Variants in LZIC observed in about 807,000 individuals in gnomAD.
The protein encoded by LZIC is leucine zipper and CTNNBIP1 domain containing.
In LZIC, 28 loss-of-function variants were observed where a neutral mutation model predicts 25.4. The observed-to-expected ratio is 1.10, with a 90% CI of 0.82 to 1.51. LZIC has a LOEUF of 1.51. LZIC is among the 40% of genes most tolerant of loss of function. LZIC has a pLI of 0.00. For synonymous variants in LZIC, 65 were observed against 70.7 expected (o/e 0.92, Z 0.40); for missense variants, 170 against 211.1 (o/e 0.81, Z 1.21).
Position 9,935,575 on chromosome 1 carries a change from G to A in LZIC, c.154C>T (p.Gln52Ter). Residue 52 changes from glutamine to a stop codon, truncating the protein, a stop_gained, in exon 4 of 8, where the codon CAA becomes TAA. Coordinates refer to ENST00000377223, the MANE Select transcript of LZIC (RefSeq NM_032368.5). LOFTEE classifies it high-confidence loss of function. Reference sequence around the variant, plus strand: ...AGTGAATCATTAAATTCACTTAGTTGCTCCAGAGTTTCCTTTTTGGTTTCT... The same window carrying A: ...AGTGAATCATTAAATTCACTTAGTTACTCCAGAGTTTCCTTTTTGGTTTCT... ...YEETKKETLE[Q>*]LSEFNDSLKK... is the part of the protein sequence containing the mutation. The A allele has an allele frequency of 6.2e-7, 1 of 1,611,448 alleles. No individual in the cohort carries two copies. The highest frequency in any genetic ancestry group is 8.5e-7 in the Non-Finnish European group (1 of 1,179,034).
At chr1:9,941,387 G>A (rs888753600) in intron 2 of LZIC, among the ~76,000 whole-genome samples, 2 of 151,586 alleles carry the variant, frequency 1.3e-5, no homozygotes, top group African/African-American at 4.9e-5. Flanking sequence ...TAGAGATGAG[G>A]TTTCACCATG....
chr1:9,931,270 A>G (rs1557435736), intron 7 of LZIC, among the ~76,000 whole-genome samples: 2 of 151,400 alleles, frequency 1.3e-5, no homozygotes, highest in African/African-American at 2.4e-5. Flanking sequence ...TTATTCATTT[A>G]TTTATTTATT....
intron 4 of LZIC, among the ~76,000 whole-genome samples, 187 bp downstream of exon 4, chr1:9,935,305 G>A (rs1270047957): frequency 1.3e-5 from 2 of 152,134 alleles, no homozygotes; most frequent in Non-Finnish European, 2.9e-5. Flanking sequence ...GCACATGCCT[G>A]TAATCCCAGC....
chr1:9,925,308 C>T (rs183051472), downstream of LZIC, among the ~76,000 whole-genome samples: 12 of 152,206 alleles, frequency 7.9e-5, no homozygotes, highest in South Asian at 2.1e-4. Flanking sequence ...AACGAAACTC[C>T]GTCTCAAAAA....
intron 2 of LZIC, among the ~76,000 whole-genome samples, chr1:9,937,753 T>A (rs1029419699): frequency 1.4e-5 from 2 of 143,840 alleles, no homozygotes; most frequent in Admixed American, 1.5e-4. Flanking sequence ...GAGGCTTAGG[T>A]GAGAGGACTG....
downstream of LZIC, chr1:9,922,282 G>A (rs905350633): frequency 1.0e-5 from 10 of 985,164 alleles, no homozygotes; most frequent in Admixed American, 5.5e-4. Flanking sequence ...TTAACAGGAA[G>A]CTAATCTTGC....
chr1:9,925,348 C>G (rs568999149), downstream of LZIC, among the ~76,000 whole-genome samples: 17 of 152,128 alleles, frequency 1.1e-4, no homozygotes, highest in African/African-American at 4.1e-4. Flanking sequence ...AAAACCCTTA[C>G]CAGCATTATC....
chr1:9,922,194 C>T (rs1639883247), downstream of LZIC: 4 of 645,632 alleles, frequency 6.2e-6, no homozygotes, highest in South Asian at 2.8e-4. Context: ...ACATCATATT[C>T]TTGTGCTGGG....
chr1:9,938,874 C>T (rs1640569507), intron 2 of LZIC, among the ~76,000 whole-genome samples: 2 of 152,140 alleles, frequency 1.3e-5, no homozygotes, highest in South Asian at 4.1e-4. Context: ...CAGACAAAAG[C>T]CACCTGCAAC....
chr1:9,936,798 G>A (rs1480968491), intron 2 of LZIC, among the ~76,000 whole-genome samples, 171 bp from the exon 3 acceptor site: 1 of 152,218 alleles, frequency 6.6e-6, no homozygotes, highest in Non-Finnish European at 1.5e-5. Flanking sequence ...TGGGATTATA[G>A]GCATAAGCCA....
chr1:9,924,447 C>T (rs551987026), downstream of LZIC, among the ~76,000 whole-genome samples: 9 of 151,994 alleles, frequency 5.9e-5, no homozygotes, highest in South Asian at 1.7e-3. Flanking sequence ...CTCCGCCTCC[C>T]GGGTTCAAGC....
chr1:9,939,538 C>T (rs1438831139), intron 2 of LZIC, among the ~76,000 whole-genome samples: 3 of 113,180 alleles, frequency 2.7e-5, no homozygotes, highest in African/African-American at 6.6e-5. Context: ...GCCACCACAT[C>T]TGCCTTTTTT....
Position 9,927,631 on chromosome 1 carries a change from A to T in LZIC, c.*2768T>A, listed in dbSNP as rs1640031282. On this transcript the variant is annotated 3_prime_UTR_variant, in exon 8 of 8. Transcript: ENST00000377223. ...TCCCTTTCAAATTCAAGATATTCCT[A>T]ATTTTTCTGGTCTACTATTGCAGGG... Among the ~76,000 whole-genome samples, 1 of 147,902 alleles carries T rather than the reference A, an allele frequency of 6.8e-6. No homozygotes were observed. Among genetic ancestry groups the T allele is most frequent in the South Asian group, 2.1e-4 (1 of 4,722 alleles).
At chr1:9,922,505 G>A, downstream of LZIC, 1 of 179,714 alleles carries the variant, frequency 5.6e-6, no homozygotes, top group Non-Finnish European at 1.1e-5. Context: ...CGAACCTATT[G>A]AGGGCCTCTC....
chr1:9,940,598 G>A (rs918560869), intron 2 of LZIC, among the ~76,000 whole-genome samples: 3 of 152,168 alleles, frequency 2.0e-5, no homozygotes, highest in Admixed American at 1.3e-4. Context: ...GGTTACAGGC[G>A]TGAGCCACCG....
intron 2 of LZIC, 108 bp from the exon 3 acceptor site, chr1:9,936,735 G>A (rs1366087483): frequency 2.8e-6 from 2 of 723,926 alleles, no homozygotes; most frequent in African/African-American, 1.8e-5. Flanking sequence ...GCCCAGGCTG[G>A]TCTCGGAACA....
chr1:9,934,940 A>G (rs1021862647), intron 4 of LZIC, 80 bp from the exon 5 acceptor site: 2 of 1,041,980 alleles, frequency 1.9e-6, no homozygotes, highest in African/African-American at 1.6e-5. Flanking sequence ...CGGATCCTTA[A>G]TTTTTATCAA....
At chr1:9,936,701 G>A in intron 2 of LZIC, 74 bp from the exon 3 acceptor site, 4 of 999,862 alleles carry the variant, frequency 4.0e-6, no homozygotes, top group Non-Finnish European at 6.2e-6. Context: ...TTTATTTTTT[G>A]TAGAGACAGA....
At chr1:9,942,576 C>G (rs1371643060) in intron 2 of LZIC, 48 bp downstream of exon 2, 1 of 983,366 alleles carries the variant, frequency 1.0e-6, no homozygotes, top group Non-Finnish European at 1.4e-6. Flanking sequence ...CTACAGAAAC[C>G]GCTCTCAGAC....
Sources: gnomAD v4.1 joint callset for allele counts (sites outside exome capture counted in the v4.1 genomes callset) on GRCh38, gnomAD v4.1.1 for gene constraint, MANE v1.5 for transcripts, NCBI Gene and HGNC (gene_info 2026-07-23, HGNC 2026-07-21) for gene names.